The following CDH18 variants were observed in gnomAD, a reference collection of about 807,000 sequenced individuals.
CDH18 encodes the protein cadherin-18.
In CDH18, 31 loss-of-function variants were observed where a neutral mutation model predicts 67.9. The observed-to-expected ratio is 0.46, with a 90% confidence interval of 0.34 to 0.62. The LOEUF (loss-of-function observed/expected upper bound fraction) is 0.62. Among genes scored for constraint, CDH18 ranks in the 20% least tolerant of loss-of-function variants. The pLI is 0.01. For missense variants in CDH18, 890 were observed against 975.5 expected, an observed-to-expected ratio of 0.91 and a Z score of 1.17; for synonymous variants, 362 against 347.2, an observed-to-expected ratio of 1.04 and a Z score of -0.48.
intron 1 of CDH18, among the ~76,000 whole-genome samples, chr5:20,501,658 G>A (rs1367287674): frequency 7.5e-6 from 1 of 134,032 alleles, no homozygotes; most frequent in Admixed American, 8.0e-5. Context: ...GAGTGCAGTG[G>A]TGCAATCTCA....
intron 10 of CDH18, among the ~76,000 whole-genome samples, chr5:19,518,650 A>G (rs1746411208): frequency 6.6e-6 from 1 of 152,088 alleles, no homozygotes; most frequent in African/African-American, 2.4e-5. Flanking sequence ...TGCTCTTCAG[A>G]TTTGGATTCT....
At chr5:20,156,388 T>G (rs185824113) in intron 2 of CDH18, among the ~76,000 whole-genome samples, 29 of 152,288 alleles carry the variant, frequency 1.9e-4, no homozygotes, top group African/African-American at 7.0e-4. Context: ...TACCATGGAA[T>G]GCTATGCAGT....
intron 1 of CDH18, among the ~76,000 whole-genome samples, chr5:20,355,559 A>G (rs749658707): frequency 6.6e-6 from 1 of 152,214 alleles, no homozygotes; most frequent in Non-Finnish European, 1.5e-5. Context: ...AGACTGAAAG[A>G]GCAATCTTTA....
At chr5:20,458,815 A>T (rs1345492971) in intron 1 of CDH18, among the ~76,000 whole-genome samples, 2 of 152,134 alleles carry the variant, frequency 1.3e-5, no homozygotes, top group Non-Finnish European at 2.9e-5. Context: ...CACTCCACTA[A>T]ATATTAATAC....
intron 1 of CDH18, among the ~76,000 whole-genome samples, chr5:20,337,192 C>G (rs1212430892): frequency 6.6e-6 from 1 of 152,182 alleles, no homozygotes; most frequent in African/African-American, 2.4e-5. Flanking sequence ...CTGCCATGAC[C>G]TAGAGACATT....
intron 2 of CDH18, among the ~76,000 whole-genome samples, chr5:20,100,970 T>C (rs1207871197): frequency 6.6e-6 from 1 of 152,172 alleles, no homozygotes. Context: ...TTTTCCTTTC[T>C]AAGACAGGGT....
intron 2 of CDH18, among the ~76,000 whole-genome samples, chr5:20,195,995 G>T (rs1265597146): frequency 6.6e-6 from 1 of 152,078 alleles, no homozygotes; most frequent in Non-Finnish European, 1.5e-5. Context: ...TACAATACCT[G>T]CTTTACCACT....
chr5:20,013,193 T>C (rs1348919555), intron 2 of CDH18, among the ~76,000 whole-genome samples: 1 of 152,106 alleles, frequency 6.6e-6, no homozygotes, highest in Non-Finnish European at 1.5e-5. Context: ...GATCACCTCA[T>C]TAACATCCTT....
At chr5:19,686,471 T>C (rs1214866439) in intron 5 of CDH18, among the ~76,000 whole-genome samples, 1 of 152,126 alleles carries the variant, frequency 6.6e-6, no homozygotes, top group Non-Finnish European at 1.5e-5. Context: ...ACACCAGATA[T>C]GGATGTTGGT....
Position 19,525,495 on chromosome 5 carries a change from C to A in CDH18, c.1391-4717G>T, listed in dbSNP as rs140770811. On this transcript the variant is annotated intron_variant, in intron 9 of 12. Transcript: ENST00000382275. ...CTTATTGAGCATGTGACTCATGATACTGCCTGCCCTGTCAGGGGCAACCAC... is the reference window on the plus strand; with the variant it reads ...CTTATTGAGCATGTGACTCATGATAATGCCTGCCCTGTCAGGGGCAACCAC... Among the ~76,000 whole-genome samples, 16 of 152,316 alleles carry A rather than the reference C, an allele frequency of 1.1e-4. No homozygotes were observed. The East Asian group carries it at 2.5e-3, about 24-fold the overall frequency.
chr5:19,902,398 A>AAC (rs1790034069), intron 2 of CDH18, among the ~76,000 whole-genome samples: 1 of 152,016 alleles, frequency 6.6e-6, no homozygotes, highest in Admixed American at 6.6e-5. Context: ...TCCCTCTTGA[A>AAC]ATGGCTTATT....
At chr5:20,425,784 C>T (rs866722572) in intron 1 of CDH18, among the ~76,000 whole-genome samples, 2 of 151,134 alleles carry the variant, frequency 1.3e-5, no homozygotes, top group Middle Eastern at 3.4e-3. Context: ...GCTTGAAATT[C>T]AGCCATACAT....
intron 1 of CDH18, among the ~76,000 whole-genome samples, chr5:20,444,095 C>A (rs1277019453): frequency 2.0e-5 from 3 of 151,750 alleles, no homozygotes; most frequent in Admixed American, 2.0e-4. Flanking sequence ...AGTATTGTCC[C>A]TTTATTGCTA....
At chr5:20,442,495 A>G (rs928475152) in intron 1 of CDH18, among the ~76,000 whole-genome samples, 1 of 151,966 alleles carries the variant, frequency 6.6e-6, no homozygotes, top group Non-Finnish European at 1.5e-5. Context: ...TTTGTATCCA[A>G]TGTGCCATTA....
chr5:20,181,445 G>T (rs1445702896), intron 2 of CDH18, among the ~76,000 whole-genome samples: 1 of 152,108 alleles, frequency 6.6e-6, no homozygotes, highest in Non-Finnish European at 1.5e-5. Context: ...GAGATCTCAT[G>T]AAGGAGAAGT....
intron 2 of CDH18, among the ~76,000 whole-genome samples, chr5:19,996,879 T>C (rs747556555): frequency 2.8e-4 from 43 of 151,990 alleles, no homozygotes; most frequent in Non-Finnish European, 1.0e-4. Context: ...CATAAATATA[T>C]ATACATACAT....
At chr5:20,487,561 T>A (rs1326040784) in intron 1 of CDH18, among the ~76,000 whole-genome samples, 1 of 151,196 alleles carries the variant, frequency 6.6e-6, no homozygotes, top group Non-Finnish European at 1.5e-5. Flanking sequence ...TATATGTTCA[T>A]AAAATATCAA....
chr5:20,354,568 T>A (rs1741453521), intron 1 of CDH18, among the ~76,000 whole-genome samples: 1 of 152,058 alleles, frequency 6.6e-6, no homozygotes, highest in African/African-American at 2.4e-5. Context: ...CACGTGGCGA[T>A]TTTTTGTACA....
At chr5:19,770,358 T>G (rs901073574) in intron 3 of CDH18, among the ~76,000 whole-genome samples, 1 of 151,956 alleles carries the variant, frequency 6.6e-6, no homozygotes. Context: ...TGATTTCAGG[T>G]CTCACAAGAA....
Sources: allele counts gnomAD v4.1 joint callset (sites outside exome capture counted in the v4.1 genomes callset), GRCh38; gene constraint gnomAD v4.1.1; transcripts MANE v1.5; gene names NCBI Gene and HGNC (gene_info 2026-07-23, HGNC 2026-07-21).